Variants in MAP7D1 observed in about 807,000 individuals in gnomAD.
MAP7D1 encodes the protein MAP7 domain-containing protein 1.
A neutral mutation model predicts 97.5 loss-of-function variants in MAP7D1; 30 were observed. The ratio of observed to expected loss-of-function variants is 0.31; its 90% CI spans 0.23 to 0.42. The LOEUF (loss-of-function observed/expected upper bound fraction) is 0.42, where lower values mean the gene tolerates loss of function less well. MAP7D1 is among the 10% of genes least tolerant of loss of function. The probability of loss-of-function intolerance (pLI) is 1.00; values close to 1 mark genes in which losing one functional copy is unlikely to be tolerated. For missense variants in MAP7D1, 1,184 were observed against 1,179.5 expected (o/e 1.00, Z -0.06); for synonymous variants, 536 against 477.1 (o/e 1.12, Z -1.61).
At chr1:36,161,106 G>A (rs773515939) in intron 1 of MAP7D1, among the ~76,000 whole-genome samples, 1 of 152,218 alleles carries the variant, frequency 6.6e-6, no homozygotes, top group African/African-American at 2.4e-5. Flanking sequence ...CGCCAGCCGG[G>A]CCAGAGAGCT....
rs768188599 is a variant in MAP7D1, at chr1:36,179,539, G to A, written c.2209G>A (p.Ala737Thr). The change falls in exon 14 of 17, where the codon GCC becomes ACC. Residue 737 changes from alanine to threonine, a missense_variant. By Grantham distance (58) the Ala-to-Thr change is moderately conservative. Coordinates refer to ENST00000474796, the MANE Select transcript of MAP7D1 (RefSeq NM_001388490.1). ...GAAGCAGGACAGCAAGGAGGCCAAC[G>A]CCAACGGTTCCAGCCCAGGTAAAGC... ...TKKQDSKEAN[A>T]NGSSPEPVKA... 5.7e-6 allele frequency: 9 copies of A among 1,574,848 alleles called. No homozygotes were observed. The highest frequency in any genetic ancestry group is 7.8e-6 in the Non-Finnish European group (9 of 1,159,136).
At chr1:36,168,514 G>A (rs896755165) in intron 1 of MAP7D1, among the ~76,000 whole-genome samples, 1 of 152,170 alleles carries the variant, frequency 6.6e-6, no homozygotes, top group Admixed American at 6.5e-5. Flanking sequence ...TGGTAAAGGA[G>A]TTTGCAGTTG....
In MAP7D1 at chr1:36,178,206, G is replaced by A; in HGVS notation, c.1708+5G>A. The A allele has an allele frequency of 6.4e-7, 1 of 1,552,412 alleles. No homozygotes were observed. ...CCCCCGCGGAGACCCCTACAGGTAG[G>A]AATGAAGAGAGGGGAGGGGTGGGCC... is the stretch of plus-strand genomic sequence containing the variant. On this transcript the variant is annotated splice_donor_5th_base_variant and intron_variant, in intron 9 of 16. Coordinates refer to ENST00000474796, the MANE Select transcript of MAP7D1 (RefSeq NM_001388490.1).
intron 1 of MAP7D1, among the ~76,000 whole-genome samples, chr1:36,167,968 A>G (rs1271252256): frequency 1.3e-5 from 2 of 151,978 alleles, no homozygotes; most frequent in East Asian, 1.9e-4. Context: ...ATACTTACAC[A>G]CCCAGGCTTT....
Position 36,178,453 on chromosome 1 carries a change from T to A in MAP7D1, c.1743T>A (p.Ala581=), listed in dbSNP as rs1187892338. Residue 581 remains alanine, a synonymous_variant, in exon 10 of 17, where the codon GCT becomes GCA. Transcript: ENST00000474796. ...AAVLTSPPAP[A]PPVTPSKPMA... ...TCTTGACCTCACCCCCAGCCCCTGC[T>A]CCCCCGGTGACCCCTAGCAAACCAA... The A allele has an allele frequency of 6.2e-7, 1 of 1,610,578 alleles. No individual in the cohort carries two copies. Among genetic ancestry groups the A allele is most frequent in the Non-Finnish European group, 8.5e-7 (1 of 1,179,256 alleles).
At chr1:36,160,158 G>T (rs1644388569) in intron 1 of MAP7D1, among the ~76,000 whole-genome samples, 2 of 152,364 alleles carry the variant, frequency 1.3e-5, no homozygotes, top group South Asian at 4.1e-4. Flanking sequence ...TTAGGTCCCT[G>T]CTGGGCCTTG....
Position 36,176,246 on chromosome 1 carries a change from C to G in MAP7D1, c.898C>G (p.Leu300Val), listed in dbSNP as rs1337859006. 1 of 1,608,616 alleles carries G rather than the reference C, an allele frequency of 6.2e-7. No homozygotes were observed. Among genetic ancestry groups the G allele is most frequent in the Non-Finnish European group, 8.5e-7 (1 of 1,179,266 alleles). The change falls in exon 7 of 17, where the codon CTG becomes GTG. Residue 300 changes from leucine (L) to valine (V), a missense_variant. Leu to Val is a conservative substitution (Grantham distance 32, BLOSUM62 1). Coordinates refer to ENST00000474796, the MANE Select transcript of MAP7D1 (RefSeq NM_001388490.1). This position sits in a 1 kb window ranked among gnomAD's most constrained non-coding sequence, Gnocchi z 6.1. Reference protein sequence around the residue: ...SAWESSIVDRLMTPTLSFLAR... With the variant: ...SAWESSIVDRVMTPTLSFLAR... ...ATGGGAGAGCAGCATCGTGGATCGT[C>G]TGATGACGCCCACTCTCTCCTTCCT...
At chr1:36,166,543 C>G (rs530301583) in intron 1 of MAP7D1, among the ~76,000 whole-genome samples, 2 of 152,114 alleles carry the variant, frequency 1.3e-5, no homozygotes, top group African/African-American at 2.4e-5. Context: ...GCGCCTGCCA[C>G]CATGCCTGGC....
chr1:36,175,112 C>T, intron 6 of MAP7D1, 104 bp downstream of exon 6: 1 of 679,828 alleles, frequency 1.5e-6, no homozygotes, highest in Non-Finnish European at 2.4e-6. Context: ...CCCTCACATA[C>T]TCCAGGTCCC....
intron 1 of MAP7D1, among the ~76,000 whole-genome samples, chr1:36,163,203 T>C (rs1644435074): frequency 6.6e-6 from 1 of 152,150 alleles, no homozygotes; most frequent in African/African-American, 2.4e-5. Flanking sequence ...CTTGGAGCTC[T>C]TAGGAAGACA....
At chr1:36,177,823 C>CGTGTGGGT in intron 8 of MAP7D1, 50 bp from the exon 9 acceptor site, 2 of 1,519,876 alleles carry the variant, frequency 1.3e-6, no homozygotes, top group Non-Finnish European at 1.8e-6. Flanking sequence ...AAGTTCTCAG[C>CGTGTGGGT]GTGTGGGTGT....
Position 36,178,464 on chromosome 1 carries a change from C to T in MAP7D1, c.1754C>T (p.Thr585Ile). Residue 585 changes from threonine (T) to isoleucine (I), a missense_variant, in exon 10 of 17, where the codon ACC becomes ATC. Thr to Ile is a moderately conservative substitution (Grantham distance 89). Coordinates refer to ENST00000474796, the MANE Select transcript of MAP7D1 (RefSeq NM_001388490.1). Reference sequence around the variant, plus strand: ...CCCCCAGCCCCTGCTCCCCCGGTGACCCCTAGCAAACCAATGGCCGGCACC... The same window carrying T: ...CCCCCAGCCCCTGCTCCCCCGGTGATCCCTAGCAAACCAATGGCCGGCACC... ...TSPPAPAPPV[T>I]PSKPMAGTTD... 6.2e-7 allele frequency: 1 copy of T among 1,611,812 alleles called. No individual in the cohort carries two copies. The highest frequency in any genetic ancestry group is 8.5e-7 in the Non-Finnish European group (1 of 1,179,520).
chr1:36,176,195 C>A lies in MAP7D1; in HGVS notation c.851-4C>A. 1 of 1,605,936 alleles carries A rather than the reference C, an allele frequency of 6.2e-7. No homozygotes were observed. The highest frequency in any genetic ancestry group is 1.1e-5 in the South Asian group (1 of 90,932). ...ACCGGCTTCGCCTGGCCTTCTACCC[C>A]CAGATCGCAGCCTGCAGCTGAGCGC... On this transcript the variant is annotated splice_region_variant and splice_polypyrimidine_tract_variant and intron_variant, in intron 6 of 16. Coordinates refer to ENST00000474796, the MANE Select transcript of MAP7D1 (RefSeq NM_001388490.1). This position sits in a 1 kb window ranked among gnomAD's most constrained non-coding sequence, Gnocchi z 6.1.
In MAP7D1 at chr1:36,171,203, C is replaced by T; in HGVS notation, c.279C>T (p.Ser93=). The T allele has an allele frequency of 1.2e-6, 2 of 1,613,628 alleles. No individual in the cohort carries two copies. The highest frequency in any genetic ancestry group is 8.5e-7 in the Non-Finnish European group (1 of 1,179,742). ...QEESPSSEAK[S]RGPTPPAMGP... ...AGTCCCCTTCCTCTGAAGCAAAGAG[C>T]AGAGGACCCACCCCACCAGCCATGG... The change falls in exon 2 of 17, where the codon AGC becomes AGT. Residue 93 remains serine, a synonymous_variant. Coordinates refer to ENST00000474796, the MANE Select transcript of MAP7D1 (RefSeq NM_001388490.1).
chr1:36,170,874 A>G (rs565026650), intron 1 of MAP7D1, 97 bp from the exon 2 acceptor site: 1 of 659,156 alleles, frequency 1.5e-6, no homozygotes, highest in East Asian at 2.6e-5. Context: ...ACATAAGTGA[A>G]TGAAGAAGTC....
intron 1 of MAP7D1, among the ~76,000 whole-genome samples, chr1:36,161,844 G>C (rs4653163): frequency 2.0e-5 from 3 of 151,508 alleles, no homozygotes; most frequent in African/African-American, 7.3e-5. Flanking sequence ...TTGAATCCCA[G>C]TAAGTCTGTT....
chr1:36,169,304 C>G (rs1644511572), intron 1 of MAP7D1, among the ~76,000 whole-genome samples: 1 of 150,776 alleles, frequency 6.6e-6, no homozygotes, highest in African/African-American at 2.4e-5. Context: ...CGCCTGTAAT[C>G]CCAGCACTTC....
At chr1:36,157,061 C>G (rs991641437) in intron 1 of MAP7D1, among the ~76,000 whole-genome samples, 2 of 152,090 alleles carry the variant, frequency 1.3e-5, no homozygotes, top group African/African-American at 4.8e-5. Context: ...AGGGAGGTCT[C>G]TAGCCGCTGC....
intron 1 of MAP7D1, among the ~76,000 whole-genome samples, chr1:36,157,543 T>C (rs1273843720): frequency 6.6e-6 from 1 of 152,134 alleles, no homozygotes; most frequent in Non-Finnish European, 1.5e-5. Flanking sequence ...GGGAGGCGAT[T>C]TCTCTTTCTT....
Sources: allele counts gnomAD v4.1 joint callset (sites outside exome capture counted in the v4.1 genomes callset), GRCh38; gene constraint gnomAD v4.1.1; non-coding constraint Gnocchi (gnomAD v3.1); transcripts MANE v1.5; gene names NCBI Gene and HGNC (gene_info 2026-07-23, HGNC 2026-07-21).